The following PRKAR1B variants were observed in gnomAD, a reference collection of about 807,000 sequenced individuals.
PRKAR1B encodes the protein protein kinase cAMP-dependent type I regulatory subunit beta, also known as cAMP-dependent protein kinase type I-beta regulatory subunit.
A neutral mutation model predicts 46.5 loss-of-function variants in PRKAR1B; 22 were observed. The observed-to-expected ratio is 0.47, with a 90% CI of 0.34 to 0.68. The LOEUF (loss-of-function observed/expected upper bound fraction) is 0.68, where lower values mean the gene tolerates loss of function less well. Among genes scored for constraint, PRKAR1B ranks in the 30% least tolerant of loss-of-function variants. The pLI, the probability that PRKAR1B is intolerant of heterozygous loss-of-function variation, is 0.01. For synonymous variants in PRKAR1B, 259 were observed against 217.7 expected, an observed-to-expected ratio of 1.19 and a Z score of -1.67; for missense variants, 445 against 535.6, an observed-to-expected ratio of 0.83 and a Z score of 1.67.
At position 582,271 on chromosome 7, in the gene PRKAR1B, G is replaced by A. The variant is rs957237918; in HGVS notation, c.769+2237C>T. 3.9e-5 allele frequency among the ~76,000 whole-genome samples: 6 copies of A among 152,260 alleles called. No individual in the cohort carries two copies. The South Asian group carries it at 8.3e-4, about 21-fold the overall frequency. On this transcript the variant is annotated intron_variant, in intron 8 of 10. Coordinates refer to ENST00000537384, the MANE Select transcript of PRKAR1B (RefSeq NM_001164760.2). ...TCCTGTCCTAGGGGCCGAGCCCTGC[G>A]CGTTCAGGAGAAAGCGGGGTCCCAG...
chr7:634,003 C>T (rs1783902314), intron 4 of PRKAR1B, among the ~76,000 whole-genome samples: 1 of 152,064 alleles, frequency 6.6e-6, no homozygotes, highest in Non-Finnish European at 1.5e-5. Context: ...TAATGAGACC[C>T]CATCTGTACA....
intron 9 of PRKAR1B, among the ~76,000 whole-genome samples, chr7:564,781 C>A (rs1779032095): frequency 1.3e-5 from 2 of 152,202 alleles, no homozygotes; most frequent in Non-Finnish European, 2.9e-5. Context: ...GCACTGGCCC[C>A]CAAAAGCACT....
At chr7:617,771 C>T (rs569545954) in intron 4 of PRKAR1B, among the ~76,000 whole-genome samples, 10 of 152,336 alleles carry the variant, frequency 6.6e-5, no homozygotes, top group South Asian at 4.1e-4. Context: ...AGGCCCCTCC[C>T]GGAGCAGAGC....
At chr7:663,708 G>A (rs1189091322) in intron 4 of PRKAR1B, among the ~76,000 whole-genome samples, 3 of 152,140 alleles carry the variant, frequency 2.0e-5, no homozygotes, top group Non-Finnish European at 4.4e-5. Flanking sequence ...ACAGCTCTCC[G>A]TGTGTCAGAT....
At chr7:630,630 G>A (rs1224589821) in intron 4 of PRKAR1B, among the ~76,000 whole-genome samples, 2 of 152,226 alleles carry the variant, frequency 1.3e-5, no homozygotes, top group Admixed American at 1.3e-4. Context: ...CTGGCCCCGG[G>A]GGGATCAAAT....
chr7:592,067 C>T (rs1413948837), intron 7 of PRKAR1B, among the ~76,000 whole-genome samples: 3 of 152,340 alleles, frequency 2.0e-5, no homozygotes, highest in South Asian at 4.1e-4. Context: ...CCCACTTTTC[C>T]TCCCACCAGG....
At position 623,005 on chromosome 7, in the gene PRKAR1B, C is replaced by A. The variant is rs554593433; in HGVS notation, c.441-15553G>T. 2.2e-3 allele frequency among the ~76,000 whole-genome samples: 328 copies of A among 152,220 alleles called. 1 individual carries two copies. The highest frequency in any genetic ancestry group is 7.6e-3 in the African/African-American group (317 of 41,518). On this transcript the variant is annotated intron_variant, in intron 4 of 10. Transcript: ENST00000537384. ...TTTAAGGAAAGGAAGTGGCCTAAAC[C>A]CTTGGGCAGACCCTGGGTGCTGGCA...
rs944838696 is a variant in PRKAR1B, at chr7:700,667, T to TA, written c.177+10661dup. Among the ~76,000 whole-genome samples the TA allele has an allele frequency of 3.6e-3, 525 of 146,076 alleles. 2 individuals carry two copies. The highest frequency in any genetic ancestry group is 9.1e-3 in the African/African-American group (362 of 39,724). On this transcript the variant is annotated intron_variant, in intron 2 of 10. Transcript: ENST00000537384. Reference sequence around the variant, plus strand: ...AATCAGCAAAGAAATCAAATTTATTTAAAAAAAAAAGGAAGAAGAAAGGAG... The same window carrying TA: ...AATCAGCAAAGAAATCAAATTTATTTAAAAAAAAAAAGGAAGAAGAAAGGAG...
intron 4 of PRKAR1B, among the ~76,000 whole-genome samples, chr7:657,136 A>T (rs867946169): frequency 6.7e-6 from 1 of 149,062 alleles, no homozygotes; most frequent in African/African-American, 2.5e-5. Flanking sequence ...TAGATGGATG[A>T]ATGAATGAAT....
At chr7:693,971 C>G (rs1436113796) in intron 2 of PRKAR1B, among the ~76,000 whole-genome samples, 1 of 152,188 alleles carries the variant, frequency 6.6e-6, no homozygotes, top group Non-Finnish European at 1.5e-5. Context: ...TTGGGATGTA[C>G]TGCCTTTGCG....
Position 727,223 on chromosome 7 carries a change from T to G in PRKAR1B, c.-36A>C. On this transcript the variant is annotated 5_prime_UTR_variant, in exon 1 of 11. Transcript: ENST00000537384. The stretch of plus-strand genomic sequence containing the variant: ...CTCGCGCCCCACCTGGACGACGCTC[T>G]GCGCGCGCTGCGCTGCTCCCTGCTC... 7.4e-7 allele frequency: 1 copy of G among 1,347,248 alleles called. No homozygotes were observed. The highest frequency in any genetic ancestry group is 9.5e-7 in the Non-Finnish European group (1 of 1,049,464). 83.5% of individuals were successfully genotyped at this position (1,347,248 alleles called of 1,614,324 possible).
At chr7:690,229 G>A (rs915166154) in intron 2 of PRKAR1B, among the ~76,000 whole-genome samples, 1 of 151,844 alleles carries the variant, frequency 6.6e-6, no homozygotes, top group Non-Finnish European at 1.5e-5. Context: ...CCAGGAGGCA[G>A]ACGTTGCAGT....
intron 7 of PRKAR1B, among the ~76,000 whole-genome samples, chr7:586,274 G>T (rs913104878): frequency 1.3e-5 from 2 of 152,162 alleles, no homozygotes; most frequent in Non-Finnish European, 2.9e-5. Context: ...ATCCTCACTC[G>T]CCTCCTGGTG....
At chr7:658,733 C>T (rs976807897) in intron 4 of PRKAR1B, among the ~76,000 whole-genome samples, 2 of 152,146 alleles carry the variant, frequency 1.3e-5, no homozygotes, top group African/African-American at 4.8e-5. Context: ...TCACTGCAAC[C>T]TCCACCTCCC....
chr7:573,206 T>C (rs1314753567), intron 9 of PRKAR1B, among the ~76,000 whole-genome samples: 2 of 151,906 alleles, frequency 1.3e-5, no homozygotes, highest in Non-Finnish European at 2.9e-5. Flanking sequence ...AGATCCAGGT[T>C]GCCAAGGAGA....
intron 9 of PRKAR1B, among the ~76,000 whole-genome samples, chr7:577,566 G>A (rs922039662): frequency 2.6e-5 from 4 of 152,192 alleles, no homozygotes; most frequent in East Asian, 3.9e-4. Flanking sequence ...ATTCCTGCCC[G>A]GGGCCACCTG....
At chr7:589,875 C>T (rs1180535542) in intron 7 of PRKAR1B, among the ~76,000 whole-genome samples, 1 of 152,226 alleles carries the variant, frequency 6.6e-6, no homozygotes, top group Non-Finnish European at 1.5e-5. Context: ...CTGCCCGGGA[C>T]AGAGAGAGGA....
chr7:691,745 T>G, intron 2 of PRKAR1B: 1 of 1,233,482 alleles, frequency 8.1e-7, no homozygotes, highest in South Asian at 1.4e-5. Flanking sequence ...TCCAGGGTGC[T>G]GAGGGGATGG....
intron 9 of PRKAR1B, among the ~76,000 whole-genome samples, chr7:574,142 T>C (rs1583227115): frequency 6.6e-6 from 1 of 152,380 alleles, no homozygotes; most frequent in Non-Finnish European, 1.5e-5. Flanking sequence ...ACACGGGTCC[T>C]TGGGCTCAGC....
Sources: allele counts gnomAD v4.1 joint callset (sites outside exome capture counted in the v4.1 genomes callset), GRCh38; gene constraint gnomAD v4.1.1; transcripts MANE v1.5; gene names NCBI Gene and HGNC (gene_info 2026-07-23, HGNC 2026-07-21).